The following PTGER3 variants were observed in gnomAD, a reference collection of about 807,000 sequenced individuals.
PTGER3 encodes the protein prostaglandin E receptor 3.
In PTGER3, 22 loss-of-function variants were observed where a neutral mutation model predicts 34.7. The ratio of observed to expected loss-of-function variants is 0.63; its 90% CI spans 0.45 to 0.91. PTGER3 has a LOEUF of 0.91. Ranked by LOEUF, PTGER3 falls within the 40% of genes least tolerant of loss-of-function variation. The pLI, the probability that PTGER3 is intolerant of heterozygous loss-of-function variation, is 0.00. For synonymous variants in PTGER3, 241 were observed against 230.1 expected, an observed-to-expected ratio of 1.05 and a Z score of -0.43; for missense variants, 468 against 519.4, an observed-to-expected ratio of 0.90 and a Z score of 0.96.
chr1:70,862,223 T>A, intron 4 of PTGER3: 1 of 771,152 alleles, frequency 1.3e-6, no homozygotes, highest in South Asian at 2.3e-5. Flanking sequence ...ATGAGATACA[T>A]AAAACAAATG....
chr1:70,917,400 A>ATT (rs1214476700), intron 4 of PTGER3, among the ~76,000 whole-genome samples: 2 of 85,158 alleles, frequency 2.3e-5, no homozygotes, highest in African/African-American at 8.0e-5. Flanking sequence ...ATAGTATTTT[A>ATT]TTTTGTGTGT....
At chr1:70,932,057 T>A (rs1648754407) in intron 4 of PTGER3, among the ~76,000 whole-genome samples, 1 of 152,216 alleles carries the variant, frequency 6.6e-6, no homozygotes, top group Admixed American at 6.5e-5. Flanking sequence ...CTTAGAAATT[T>A]CTTCCACCAG....
At chr1:70,903,193 G>A (rs1646877312) in intron 4 of PTGER3, among the ~76,000 whole-genome samples, 1 of 152,200 alleles carries the variant, frequency 6.6e-6, no homozygotes, top group Admixed American at 6.5e-5. Context: ...GAAGCTGGAA[G>A]AGGCAAGGAA....
At chr1:70,985,582 A>C (rs1484644455) in intron 2 of PTGER3, among the ~76,000 whole-genome samples, 1 of 152,106 alleles carries the variant, frequency 6.6e-6, no homozygotes, top group East Asian at 1.9e-4. Context: ...TGATTAGGCA[A>C]ATCTGAAGCC....
intron 4 of PTGER3, among the ~76,000 whole-genome samples, chr1:70,936,893 A>G (rs1170244248): frequency 6.6e-6 from 1 of 152,184 alleles, no homozygotes; most frequent in African/African-American, 2.4e-5. Flanking sequence ...AGGAAAGTAA[A>G]TACTGTATCA....
intron 4 of PTGER3, among the ~76,000 whole-genome samples, chr1:70,925,163 C>T (rs1324687646): frequency 6.6e-6 from 1 of 152,120 alleles, no homozygotes; most frequent in Non-Finnish European, 1.5e-5. Context: ...TGCCACCATG[C>T]TTGGCTAATT....
chr1:70,955,471 G>T (rs1420500579), intron 2 of PTGER3, among the ~76,000 whole-genome samples: 2 of 152,098 alleles, frequency 1.3e-5, no homozygotes, highest in African/African-American at 4.8e-5. Context: ...AAGAGAGAAA[G>T]CGAGAAACAG....
At chr1:71,007,902 C>T in intron 2 of PTGER3, 1 of 985,220 alleles carries the variant, frequency 1.0e-6, no homozygotes, top group Non-Finnish European at 1.2e-6. Context: ...CAAAAATGCT[C>T]AAAAAAGCAT....
chr1:70,997,249 G>C (rs1656078232), intron 2 of PTGER3: 1 of 152,144 alleles, frequency 6.6e-6, no homozygotes. Context: ...TCCAGCCTGG[G>C]TGACAGAGGG....
chr1:70,883,490 C>T (rs1273749029), intron 4 of PTGER3, among the ~76,000 whole-genome samples: 2 of 152,198 alleles, frequency 1.3e-5, no homozygotes, highest in South Asian at 4.1e-4. Context: ...TTAAGTCACT[C>T]TTATAAGCCT....
At chr1:70,940,725 C>G (rs921126213) in intron 4 of PTGER3, among the ~76,000 whole-genome samples, 1 of 152,148 alleles carries the variant, frequency 6.6e-6, no homozygotes, top group Non-Finnish European at 1.5e-5. Context: ...TTACCTCCCC[C>G]TGGGCCCCTC....
intron 4 of PTGER3, among the ~76,000 whole-genome samples, chr1:70,892,018 T>C (rs537659460): frequency 1.3e-5 from 2 of 152,328 alleles, no homozygotes; most frequent in Admixed American, 1.3e-4. Flanking sequence ...GCTGAGTTAA[T>C]GTTGAAAGGG....
chr1:70,886,198 G>T (rs1164919415), intron 4 of PTGER3: 1 of 373,048 alleles, frequency 2.7e-6, no homozygotes, highest in Non-Finnish European at 5.5e-6. Context: ...GAGAGAGCTT[G>T]CTTCCCTTCT....
At chr1:70,852,611 C>A in exon 5 of PTGER3, 6 of 579,216 alleles carry the variant, frequency 1.0e-5, no homozygotes, top group South Asian at 6.9e-5. Flanking sequence ...ATTCACAAAA[C>A]AATAGGACAT....
chr1:70,943,522 G>A (rs991154637), intron 4 of PTGER3, among the ~76,000 whole-genome samples: 1 of 152,074 alleles, frequency 6.6e-6, no homozygotes, highest in Non-Finnish European at 1.5e-5. Flanking sequence ...AGTAAAGTTG[G>A]TTGTGATGTT....
chr1:71,005,107 T>A (rs921895759), intron 2 of PTGER3, among the ~76,000 whole-genome samples: 1 of 152,206 alleles, frequency 6.6e-6, no homozygotes, highest in Admixed American at 6.5e-5. Flanking sequence ...TGCTGGCATC[T>A]CATGAGTAGA....
rs556615624 is a variant in PTGER3, at chr1:70,877,366, G to GT, written c.*24-24508dup. 2.5e-4 allele frequency among the ~76,000 whole-genome samples: 38 copies of GT among 152,192 alleles called. No homozygotes were observed. In the East Asian group the frequency reaches 3.3e-3, roughly 13 times the overall value. On this transcript the variant is annotated intron_variant, in intron 4 of 4. Transcript: ENST00000370931. ...AAGAGCTCTTGGGAAGAGACTATGGGTTTTTTCAGGTATAGAATCATATCG... is the reference window on the plus strand; with the variant it reads ...AAGAGCTCTTGGGAAGAGACTATGGGTTTTTTTCAGGTATAGAATCATATCG...
Position 70,910,775 on chromosome 1 carries a change from G to A in PTGER3, c.*23+42988C>T, listed in dbSNP as rs571780936. On this transcript the variant is annotated intron_variant, in intron 4 of 4. Transcript: ENST00000370931. ...GTTAGAAAAAATGTCAATGAGCCAC[G>A]TTCTGGTTGTAAAATTCTAATTAAC... Among the ~76,000 whole-genome samples, 3 of 152,256 alleles carry A rather than the reference G, an allele frequency of 2.0e-5. No individual in the cohort carries two copies. In the South Asian group the frequency reaches 6.2e-4, roughly 32 times the overall value.
chr1:70,856,863 A>G (rs1224826189), intron 4 of PTGER3, among the ~76,000 whole-genome samples: 1 of 152,204 alleles, frequency 6.6e-6, no homozygotes, highest in Non-Finnish European at 1.5e-5. Context: ...ATCTTTTCAT[A>G]TGTATGCATT....
Sources: gnomAD v4.1 joint callset for allele counts (sites outside exome capture counted in the v4.1 genomes callset) on GRCh38, gnomAD v4.1.1 for gene constraint, MANE v1.5 for transcripts, NCBI Gene and HGNC (gene_info 2026-07-23, HGNC 2026-07-21) for gene names.